The following CACNA1C variants were observed in gnomAD, a reference collection of about 807,000 sequenced individuals.
The protein encoded by CACNA1C is calcium voltage-gated channel subunit alpha1 C, also known as voltage-dependent L-type calcium channel subunit alpha-1C.
CACNA1C carries 30 observed loss-of-function variants against 229.0 expected under a neutral mutation model. The ratio of observed to expected loss-of-function variants is 0.13; its 90% confidence interval spans 0.10 to 0.18. The LOEUF (loss-of-function observed/expected upper bound fraction) is 0.18, where lower values mean the gene tolerates loss of function less well. CACNA1C is among the 10% of genes least tolerant of loss of function. The pLI is 1.00. For missense variants in CACNA1C, 1,658 were observed against 2,845.0 expected (o/e 0.58, Z 9.49); for synonymous variants, 1,114 against 1,132.5 (o/e 0.98, Z 0.33).
At chr12:2,071,975 C>A (rs546639509) in intron 1 of CACNA1C, among the ~76,000 whole-genome samples, 2 of 152,106 alleles carry the variant, frequency 1.3e-5, no homozygotes, top group African/African-American at 4.8e-5. Flanking sequence ...TAATACTTTA[C>A]TACCATCACA....
At chr12:2,016,469 G>A (rs1172345458) in intron 1 of CACNA1C, among the ~76,000 whole-genome samples, 1 of 151,112 alleles carries the variant, frequency 6.6e-6, no homozygotes, top group Admixed American at 6.6e-5. Context: ...TACTCTTGTT[G>A]CCCAGGCTGG....
In CACNA1C at chr12:2,585,588, A is replaced by G; in HGVS notation, c.2460+92A>G. The G allele has an allele frequency of 4.3e-6, 6 of 1,390,700 alleles. No homozygotes were observed. Among genetic ancestry groups the G allele is most frequent in the Middle Eastern group, 2.4e-4 (1 of 4,206 alleles). The allele number at this position is 1,390,700 out of a possible 1,614,324, so 86.1% of individuals were successfully genotyped here. A position where few individuals can be genotyped will look rare whatever the true frequency, so the allele number is the denominator to read the frequency against. ...AGGCCAGAACCCTGTGGAGAAGAGG[A>G]GAGAAAGAAAGACACCCAGTGGAAA... is the stretch of plus-strand genomic sequence containing the variant. On this transcript the variant is annotated intron_variant, in intron 17 of 46. Coordinates refer to ENST00000399655, the MANE Select transcript of CACNA1C (RefSeq NM_000719.7). The surrounding 1 kb of genome is among the most constrained non-coding windows in gnomAD (Gnocchi z 4.1).
intron 1 of CACNA1C, among the ~76,000 whole-genome samples, chr12:2,089,285 C>T (rs913855525): frequency 2.0e-5 from 3 of 152,126 alleles, no homozygotes; most frequent in Admixed American, 6.5e-5. Context: ...GATGTGGGGG[C>T]GAGTGGTAGA....
At chr12:2,092,692 G>C (rs1344276288) in intron 1 of CACNA1C, among the ~76,000 whole-genome samples, 1 of 152,102 alleles carries the variant, frequency 6.6e-6, no homozygotes, top group Non-Finnish European at 1.5e-5. Flanking sequence ...ACTTGAAATA[G>C]TTAACCTTTA....
chr12:2,149,735 C>T (rs1200060574), intron 3 of CACNA1C, among the ~76,000 whole-genome samples: 2 of 152,128 alleles, frequency 1.3e-5, no homozygotes, highest in African/African-American at 2.4e-5. Context: ...AGAGAGCCAA[C>T]CCCAAGTAAG....
chr12:2,027,332 A>ATC (rs1311491319), intron 1 of CACNA1C, among the ~76,000 whole-genome samples: 1 of 152,188 alleles, frequency 6.6e-6, no homozygotes, highest in Non-Finnish European at 1.5e-5. Flanking sequence ...AAGGAGATCA[A>ATC]TCTTTCTTCT....
At chr12:2,093,736 G>A (rs1469997759) in intron 1 of CACNA1C, among the ~76,000 whole-genome samples, 3 of 152,142 alleles carry the variant, frequency 2.0e-5, no homozygotes, top group Non-Finnish European at 4.4e-5. Context: ...GGCTCAACTG[G>A]GAAGTTGGAG....
At chr12:2,400,646 T>C (rs578110881) in intron 3 of CACNA1C, among the ~76,000 whole-genome samples, 1 of 152,316 alleles carries the variant, frequency 6.6e-6, no homozygotes, top group African/African-American at 2.4e-5. Flanking sequence ...GGGTCTCCCA[T>C]TCTGTGCCCC....
chr12:2,547,316 T>C lies in CACNA1C; in HGVS notation c.1391-2627T>C, dbSNP rs2099883184. 7.9e-6 allele frequency: 5 copies of C among 631,136 alleles called. No individual in the cohort carries two copies. In the Admixed American group the frequency reaches 8.2e-5, roughly 10 times the overall value. 39.1% of individuals were successfully genotyped at this position (631,136 alleles called of 1,614,324 possible). A position where few individuals can be genotyped will look rare whatever the true frequency, so the allele number is the denominator to read the frequency against. On this transcript the variant is annotated intron_variant, in intron 9 of 46. Coordinates refer to ENST00000399655, the MANE Select transcript of CACNA1C (RefSeq NM_000719.7). ...TGATTTATTGAATTTTTTTTGTTTATTTTCTGTGATAAAAATGGATGTTCT... is the reference window on the plus strand; with the variant it reads ...TGATTTATTGAATTTTTTTTGTTTACTTTCTGTGATAAAAATGGATGTTCT...
intron 9 of CACNA1C, among the ~76,000 whole-genome samples, chr12:2,531,748 C>A (rs2099841562): frequency 6.6e-6 from 1 of 152,152 alleles, no homozygotes; most frequent in South Asian, 2.1e-4. Context: ...TTTCCCAGAG[C>A]CACTACCCTG....
intron 4 of CACNA1C, among the ~76,000 whole-genome samples, chr12:2,449,840 G>T (rs774407659): frequency 6.6e-6 from 1 of 152,204 alleles, no homozygotes; most frequent in African/African-American, 2.4e-5. Context: ...GGGGCAGCTC[G>T]TCCGTGAGCA....
Position 2,519,227 on chromosome 12 carries a change from C to T in CACNA1C, c.1390+6243C>T, listed in dbSNP as rs58938256. Among the ~76,000 whole-genome samples the T allele has an allele frequency of 9.7e-3, 1,480 of 152,294 alleles. 27 individuals are homozygous for T. Among genetic ancestry groups the T allele is most frequent in the African/African-American group, 0.034 (1,414 of 41,550 alleles). On this transcript the variant is annotated intron_variant, in intron 9 of 46. Transcript: ENST00000399655. ...CTTCTTGGGGCTGCCTTTAATTCAC[C>T]GTTGTGTCCCCATGACCTGACACAG...
At position 2,354,959 on chromosome 12, in the gene CACNA1C, A is replaced by C. The variant is rs2097312724; in HGVS notation, c.478-94017A>C. Among the ~76,000 whole-genome samples the C allele has an allele frequency of 6.6e-6, 1 of 152,102 alleles. No individual in the cohort carries two copies. The highest frequency in any genetic ancestry group is 1.5e-5 in the Non-Finnish European group (1 of 68,004). ...GAGCGACCTGAGTGAAATGAAGCCA[A>C]ATCCTGGAGGTGCAGGTGTGAGGAT... is the stretch of plus-strand genomic sequence containing the variant. On this transcript the variant is annotated intron_variant, in intron 3 of 46. Coordinates refer to ENST00000399655, the MANE Select transcript of CACNA1C (RefSeq NM_000719.7). This position sits in a 1 kb window ranked among gnomAD's most constrained non-coding sequence, Gnocchi z 4.6.
chr12:2,627,389 G>T lies in CACNA1C; in HGVS notation c.3829-6908G>T, dbSNP rs531760119. On this transcript the variant is annotated intron_variant, in intron 29 of 46. Coordinates refer to ENST00000399655, the MANE Select transcript of CACNA1C (RefSeq NM_000719.7). ...CCATTGTTTTCATGATATTCAATGG[G>T]ATCAACTCTGCATAGACACACAGAC... Among the ~76,000 whole-genome samples, 441 of 152,106 alleles carry T rather than the reference G, an allele frequency of 2.9e-3. 4 individuals are homozygous for T. The highest frequency in any genetic ancestry group is 1.0e-2 in the African/African-American group (413 of 41,480).
intron 1 of CACNA1C, among the ~76,000 whole-genome samples, chr12:2,077,352 G>C (rs552094927): frequency 6.6e-6 from 1 of 152,274 alleles, no homozygotes; most frequent in East Asian, 1.9e-4. Context: ...TGTATGGGTA[G>C]TCCAAGGTAC....
intron 1 of CACNA1C, among the ~76,000 whole-genome samples, chr12:2,077,597 C>T (rs2063695236): frequency 6.6e-6 from 1 of 151,998 alleles, no homozygotes; most frequent in Admixed American, 6.6e-5. Context: ...AGAATAGGTT[C>T]AAAATAGCTA....
chr12:2,442,068 G>A (rs557831813), intron 3 of CACNA1C, among the ~76,000 whole-genome samples: 2 of 152,206 alleles, frequency 1.3e-5, no homozygotes, highest in Non-Finnish European at 2.9e-5. Context: ...TGTGCAGCCA[G>A]TTGGTGCCAG....
At chr12:2,438,597 G>T (rs1596300691) in intron 3 of CACNA1C, among the ~76,000 whole-genome samples, 1 of 152,036 alleles carries the variant, frequency 6.6e-6, no homozygotes, top group African/African-American at 2.4e-5. Flanking sequence ...TGGGTGTGGT[G>T]AGCCTTTGGT....
intron 1 of CACNA1C, among the ~76,000 whole-genome samples, chr12:2,065,126 C>T (rs906525476): frequency 6.6e-6 from 1 of 152,200 alleles, no homozygotes; most frequent in African/African-American, 2.4e-5. Context: ...AGCATTTCTC[C>T]AAGGTGGAAG....
Sources: gnomAD v4.1 joint callset for allele counts (sites outside exome capture counted in the v4.1 genomes callset) on GRCh38, gnomAD v4.1.1 for gene constraint, Gnocchi (gnomAD v3.1) non-coding constraint, MANE v1.5 for transcripts, NCBI Gene and HGNC (gene_info 2026-07-23, HGNC 2026-07-21) for gene names.